Variants in POFUT3 observed in about 807,000 individuals in gnomAD.
POFUT3 encodes GDP-fucose protein O-fucosyltransferase 3.
the POFUT3 span, among the ~76,000 whole-genome samples, chr8:33,391,000 A>G: frequency 6.6e-6 from 1 of 152,242 alleles, no homozygotes; most frequent in African/African-American, 2.4e-5. Context: ...TATTCTTGAC[A>G]TGGATAATTT....
the POFUT3 span, among the ~76,000 whole-genome samples, chr8:33,443,692 C>T: frequency 6.6e-6 from 1 of 152,106 alleles, no homozygotes; most frequent in Non-Finnish European, 1.5e-5. Context: ...TGGGGTTTTG[C>T]CATCTTGGCC....
chr8:33,467,272 C>CAAAAAA, the POFUT3 span, among the ~76,000 whole-genome samples: 4 of 73,454 alleles, frequency 5.4e-5, 1 homozygote, highest in Non-Finnish European at 7.2e-5. Flanking sequence ...GACTCTGTCT[C>CAAAAAA]AAAAAAAAAA....
At chr8:33,430,733 C>G in the POFUT3 span, among the ~76,000 whole-genome samples, 1 of 152,236 alleles carries the variant, frequency 6.6e-6, no homozygotes, top group East Asian at 1.9e-4. Flanking sequence ...CTTAGCCTCC[C>G]GAGTCGCTGG....
the POFUT3 span, among the ~76,000 whole-genome samples, chr8:33,429,995 CAAA>C: frequency 2.2e-4 from 27 of 124,744 alleles, no homozygotes; most frequent in Admixed American, 1.7e-4. Context: ...GACTCCATCT[CAAA>C]AAAAAAAAAA....
the POFUT3 span, among the ~76,000 whole-genome samples, chr8:33,447,245 C>T: frequency 5.1e-4 from 78 of 152,174 alleles, 1 homozygote; most frequent in South Asian, 0.015. Context: ...GTCAGGAGAT[C>T]GAGACCATCC....
chr8:33,402,924 G>A, the POFUT3 span, among the ~76,000 whole-genome samples: 101 of 151,900 alleles, frequency 6.6e-4, 1 homozygote, highest in African/African-American at 2.3e-3. Flanking sequence ...AGCCAGGTGC[G>A]GTGGTGTGTA....
the POFUT3 span, among the ~76,000 whole-genome samples, chr8:33,418,441 T>G: frequency 1.3e-5 from 2 of 149,654 alleles, no homozygotes; most frequent in South Asian, 4.2e-4. Context: ...GAGATGGGAT[T>G]ATAGGCACGC....
At chr8:33,430,589 T>C in the POFUT3 span, among the ~76,000 whole-genome samples, 1 of 152,126 alleles carries the variant, frequency 6.6e-6, no homozygotes, top group Non-Finnish European at 1.5e-5. Context: ...TTAAAGACAT[T>C]GCTTTATTTA....
the POFUT3 span, among the ~76,000 whole-genome samples, chr8:33,330,391 C>A: frequency 1.3e-5 from 2 of 152,118 alleles, no homozygotes; most frequent in African/African-American, 4.8e-5. Context: ...TTGCAGTGAG[C>A]CGAGATCATG....
At chr8:33,365,932 T>C in the POFUT3 span, among the ~76,000 whole-genome samples, 1 of 152,230 alleles carries the variant, frequency 6.6e-6, no homozygotes, top group African/African-American at 2.4e-5. Context: ...TTATAAATCA[T>C]GCTGCTATAA....
chr8:33,447,213 GC>G, the POFUT3 span, among the ~76,000 whole-genome samples: 1 of 152,268 alleles, frequency 6.6e-6, no homozygotes, highest in Non-Finnish European at 1.5e-5. Flanking sequence ...ACTTTGGGAG[GC>G]CGAGGTGGGA....
At chr8:33,388,792 C>T in the POFUT3 span, 29 of 624,364 alleles carry the variant, frequency 4.6e-5, no homozygotes, top group Non-Finnish European at 6.8e-5. Flanking sequence ...GTAAACTTTA[C>T]GACAGTCCCA....
the POFUT3 span, among the ~76,000 whole-genome samples, chr8:33,351,908 T>G: frequency 2.0e-5 from 3 of 152,176 alleles, no homozygotes; most frequent in African/African-American, 7.2e-5. Context: ...TAAAGCTGTT[T>G]GGGAATTTAT....
the POFUT3 span, among the ~76,000 whole-genome samples, chr8:33,456,881 G>A: frequency 6.7e-6 from 1 of 149,612 alleles, no homozygotes; most frequent in East Asian, 2.0e-4. Flanking sequence ...TGATTCTCCT[G>A]CCTCAGCCTC....
the POFUT3 span, chr8:33,455,715 G>A: frequency 4.7e-6 from 2 of 428,382 alleles, no homozygotes; most frequent in Non-Finnish European, 9.3e-6. Flanking sequence ...GTCGGCCATG[G>A]AGGCCATTCC....
chr8:33,430,877 C>A, the POFUT3 span, among the ~76,000 whole-genome samples: 3 of 151,994 alleles, frequency 2.0e-5, no homozygotes, highest in South Asian at 6.2e-4. Flanking sequence ...CAAAGTGCTG[C>A]GATTACAGGC....
chr8:33,404,628 C>G, the POFUT3 span, among the ~76,000 whole-genome samples: 1 of 151,842 alleles, frequency 6.6e-6, no homozygotes, highest in African/African-American at 2.4e-5. Context: ...CACTTTGGGT[C>G]AAGTTCTTGA....
At chr8:33,372,372 C>T in the POFUT3 span, 3 of 1,347,212 alleles carry the variant, frequency 2.2e-6, no homozygotes, top group Non-Finnish European at 2.8e-6. Flanking sequence ...AGAAATATTT[C>T]CTTTTTTAGT....
the POFUT3 span, among the ~76,000 whole-genome samples, chr8:33,312,711 A>T: frequency 8.5e-5 from 13 of 152,104 alleles, no homozygotes; most frequent in African/African-American, 2.7e-4. Flanking sequence ...CATCCTGTGC[A>T]GTTTGTGGCA....
Sources: gnomAD v4.1 joint callset for allele counts (sites outside exome capture counted in the v4.1 genomes callset) on GRCh38, gnomAD v4.1.1 for gene constraint, MANE v1.5 for transcripts, NCBI Gene and HGNC (gene_info 2026-07-23, HGNC 2026-07-21) for gene names.